The following SPATA7 variants were observed in gnomAD, a reference collection of about 807,000 sequenced individuals.
SPATA7 encodes the protein spermatogenesis associated 7.
SPATA7 carries 43 observed loss-of-function variants against 51.8 expected under a neutral mutation model. The ratio of observed to expected loss-of-function variants is 0.83; its 90% CI spans 0.65 to 1.07. The LOEUF (loss-of-function observed/expected upper bound fraction) is 1.07, where lower values mean the gene tolerates loss of function less well. SPATA7 is among the 50% of genes least tolerant of loss of function. SPATA7 has a pLI of 0.00. For synonymous variants in SPATA7, 230 were observed against 252.8 expected, an observed-to-expected ratio of 0.91 and a Z score of 0.86; for missense variants, 683 against 701.3, an observed-to-expected ratio of 0.97 and a Z score of 0.30.
chr14:88,408,525 T>A (rs995404075), intron 4 of SPATA7, among the ~76,000 whole-genome samples: 1 of 152,174 alleles, frequency 6.6e-6, no homozygotes, highest in Non-Finnish European at 1.5e-5. Flanking sequence ...GATGGGGGTT[T>A]CTGAATATAC....
At chr14:88,418,442 C>G (rs553027755) in intron 5 of SPATA7, among the ~76,000 whole-genome samples, 1 of 151,984 alleles carries the variant, frequency 6.6e-6, no homozygotes, top group African/African-American at 2.4e-5. Flanking sequence ...TGTTTCAATT[C>G]GAAGTATTTT....
At chr14:88,409,409 G>A (rs1476852992) in intron 4 of SPATA7, among the ~76,000 whole-genome samples, 2 of 152,114 alleles carry the variant, frequency 1.3e-5, no homozygotes, top group African/African-American at 2.4e-5. Flanking sequence ...TCTGGTGGTA[G>A]TTTGTATTTC....
downstream of SPATA7, among the ~76,000 whole-genome samples, chr14:88,442,926 G>T (rs431142): frequency 0.94 from 141,312 of 150,098 alleles, 66,931 homozygotes; most frequent in Non-Finnish European, 0.99. Flanking sequence ...GGAATTTTTG[G>T]TTTTTTGTTA....
intron 7 of SPATA7, chr14:88,428,822 A>G (rs2076864608): frequency 6.2e-6 from 1 of 160,380 alleles, no homozygotes. Context: ...GTAAAGCACT[A>G]TACATAAATT....
In SPATA7 at chr14:88,416,720, A is replaced by G; in HGVS notation, c.248A>G (p.Gln83Arg). 1.2e-6 allele frequency: 2 copies of G among 1,613,314 alleles called. No homozygotes were observed. The highest frequency in any genetic ancestry group is 1.7e-6 in the Non-Finnish European group (2 of 1,179,690). ...SVSTSIKYAD[Q>R]QRREKLKKEL... ...TTGTTTTCCCTTTTAGATGCAGACC[A>G]ACAACGAAGAGAGAAACTCAAAAAG... The change falls in exon 5 of 12, where the codon CAA (glutamine) becomes CGA (arginine). Residue 83 changes from glutamine (Q) to arginine (R), a missense_variant. Coordinates refer to ENST00000393545, the MANE Select transcript of SPATA7 (RefSeq NM_018418.5).
intron 4 of SPATA7, among the ~76,000 whole-genome samples, chr14:88,464,053 C>G (rs2077335992): frequency 6.6e-6 from 1 of 151,968 alleles, no homozygotes; most frequent in Non-Finnish European, 1.5e-5. Flanking sequence ...GTTGGCCAGG[C>G]TGGTCTCATA....
Position 88,396,146 on chromosome 14 carries a change from T to C in SPATA7, c.191-10T>C. On this transcript the variant is annotated splice_polypyrimidine_tract_variant and intron_variant, in intron 3 of 11. Coordinates refer to ENST00000393545, the MANE Select transcript of SPATA7 (RefSeq NM_018418.5). The stretch of plus-strand genomic sequence containing the variant: ...GACAATATTATTAAACTATTACCTT[T>C]CTCTTTCAGCTGCAGTAGACTGCTC... The C allele has an allele frequency of 6.2e-7, 1 of 1,604,758 alleles. No individual in the cohort carries two copies. The highest frequency in any genetic ancestry group is 8.5e-7 in the Non-Finnish European group (1 of 1,172,534).
chr14:88,460,014 CG>C (rs1433109799), downstream of SPATA7, among the ~76,000 whole-genome samples: 3 of 151,608 alleles, frequency 2.0e-5, no homozygotes, highest in Non-Finnish European at 4.4e-5. Flanking sequence ...GTTGAAAATT[CG>C]TTTAAGAATG....
At chr14:88,390,286 A>C (rs1208793067) in intron 1 of SPATA7, among the ~76,000 whole-genome samples, 1 of 151,922 alleles carries the variant, frequency 6.6e-6, no homozygotes, top group Non-Finnish European at 1.5e-5. Context: ...ATGTAAAGAA[A>C]CGTCTAGGGA....
downstream of SPATA7, among the ~76,000 whole-genome samples, chr14:88,457,732 T>C (rs181935587): frequency 7.2e-5 from 11 of 152,358 alleles, no homozygotes; most frequent in Admixed American, 5.2e-4. Flanking sequence ...TTCTCCTGCC[T>C]AATTGCCCTG....
chr14:88,388,966 G>C (rs1006084355), intron 1 of SPATA7, among the ~76,000 whole-genome samples: 1 of 152,150 alleles, frequency 6.6e-6, no homozygotes, highest in Non-Finnish European at 1.5e-5. Context: ...GCTTAGCCAA[G>C]TCACTAAACA....
Position 88,469,047 on chromosome 14 carries a change from G to A in SPATA7, c.255-800G>A, listed in dbSNP as rs761093758. 1.7e-5 allele frequency: 27 copies of A among 1,613,894 alleles called. No individual in the cohort carries two copies. Among genetic ancestry groups the A allele is most frequent in the East Asian group, 2.2e-5 (1 of 44,886 alleles). ...GGATCACTTGTGCTATTTGTATGGCGTCGAACAGACTGGATCTCTTCAAGA... is the reference window on the plus strand; with the variant it reads ...GGATCACTTGTGCTATTTGTATGGCATCGAACAGACTGGATCTCTTCAAGA... On this transcript the variant is annotated intron_variant, in intron 4 of 4. Transcript: ENST00000556406. This position sits in a 1 kb window ranked among gnomAD's most constrained non-coding sequence, Gnocchi z 4.3.
chr14:88,397,883 A>G (rs1292303903), intron 4 of SPATA7, among the ~76,000 whole-genome samples: 2 of 152,086 alleles, frequency 1.3e-5, no homozygotes, highest in Non-Finnish European at 2.9e-5. Context: ...GGAGATCGAG[A>G]CCAACCTGGC....
intron 3 of SPATA7, among the ~76,000 whole-genome samples, chr14:88,394,014 C>CATATT (rs2075814593): frequency 1.3e-5 from 2 of 152,130 alleles, no homozygotes; most frequent in Middle Eastern, 3.2e-3. Context: ...CCACCTGTTT[C>CATATT]TGTACAGCCC....
chr14:88,454,032 A>G (rs1362190185), intron 3 of SPATA7, among the ~76,000 whole-genome samples: 5 of 152,176 alleles, frequency 3.3e-5, no homozygotes, highest in African/African-American at 1.2e-4. Context: ...TTTCCAACCC[A>G]ACAAACCCTC....
intron 4 of SPATA7, among the ~76,000 whole-genome samples, chr14:88,400,138 C>T (rs2076016873): frequency 6.6e-6 from 1 of 152,032 alleles, no homozygotes; most frequent in Non-Finnish European, 1.5e-5. Context: ...TCTTTTTCAA[C>T]CAGAATGGAA....
chr14:88,468,065 GAGTT>G, intron 4 of SPATA7: 1 of 1,547,122 alleles, frequency 6.5e-7, no homozygotes, highest in Non-Finnish European at 8.9e-7. Flanking sequence ...GGGAAAGTAT[GAGTT>G]AGGCAAGCGC....
chr14:88,435,524 T>A (rs773357498), intron 10 of SPATA7, among the ~76,000 whole-genome samples: 36 of 152,188 alleles, frequency 2.4e-4, no homozygotes, highest in Non-Finnish European at 4.1e-4. Flanking sequence ...ATGGTCTTAT[T>A]CATTCTTTCT....
chr14:88,436,364 C>G (rs1352669871), intron 10 of SPATA7, among the ~76,000 whole-genome samples: 2 of 152,078 alleles, frequency 1.3e-5, no homozygotes. Context: ...TATTTTCTCC[C>G]ATTCTGTGGA....
Sources: allele counts gnomAD v4.1 joint callset (sites outside exome capture counted in the v4.1 genomes callset), GRCh38; gene constraint gnomAD v4.1.1; non-coding constraint Gnocchi (gnomAD v3.1); transcripts MANE v1.5; gene names NCBI Gene and HGNC (gene_info 2026-07-23, HGNC 2026-07-21).